Variants in RNF19B observed in about 807,000 individuals in gnomAD.
RNF19B encodes E3 ubiquitin-protein ligase RNF19B.
RNF19B carries 23 observed loss-of-function variants against 65.5 expected under a neutral mutation model. That is an observed-to-expected ratio of 0.35 (90% CI 0.25 to 0.50). The LOEUF is 0.50. Among genes scored for constraint, RNF19B ranks in the 20% least tolerant of loss-of-function variants. The pLI is 0.98. For missense variants in RNF19B, 794 were observed against 980.0 expected, an observed-to-expected ratio of 0.81 and a Z score of 2.53; for synonymous variants, 372 against 379.6, an observed-to-expected ratio of 0.98 and a Z score of 0.23.
At position 32,945,512 on chromosome 1, in the gene RNF19B, A is replaced by G; in HGVS notation, c.1261+2T>C. On this transcript the variant is annotated splice_donor_variant, in intron 5 of 8. Transcript: ENST00000235150. LOFTEE classifies it high-confidence loss of function. ...GAAGAGGTGTGGTCCTGACTAGCTT[A>G]CCAACACTAACTGCAGCAATAACTG... 2 of 1,590,948 alleles carry G rather than the reference A, an allele frequency of 1.3e-6. No homozygotes were observed. Among genetic ancestry groups the G allele is most frequent in the Non-Finnish European group, 1.7e-6 (2 of 1,158,822 alleles).
intron 7 of RNF19B, among the ~76,000 whole-genome samples, chr1:32,938,977 T>C (rs1642171584): frequency 6.6e-6 from 1 of 152,230 alleles, no homozygotes; most frequent in Admixed American, 6.5e-5. Flanking sequence ...TCCGAAATCA[T>C]AGTCACTCTG....
At chr1:32,952,840 G>A (rs905157921) in intron 1 of RNF19B, among the ~76,000 whole-genome samples, 1 of 151,280 alleles carries the variant, frequency 6.6e-6, no homozygotes, top group African/African-American at 2.4e-5. Context: ...TTGAGGCTGG[G>A]AGGTTGAGGC....
chr1:32,929,501 T>A, the RNF19B span, among the ~76,000 whole-genome samples: 2 of 152,202 alleles, frequency 1.3e-5, no homozygotes, highest in African/African-American at 4.8e-5. Flanking sequence ...GGTCTCAGCA[T>A]TTGTGCTGGC....
the RNF19B span, among the ~76,000 whole-genome samples, chr1:32,930,937 AAGT>A: frequency 1.3e-5 from 2 of 152,040 alleles, no homozygotes; most frequent in South Asian, 4.2e-4. Context: ...AAAATACAAA[AAGT>A]AGCCAGGTGT....
At chr1:32,961,466 T>C (rs951559274) in intron 1 of RNF19B, among the ~76,000 whole-genome samples, 4 of 152,234 alleles carry the variant, frequency 2.6e-5, no homozygotes, top group Admixed American at 6.5e-5. Context: ...GAACAAGTCA[T>C]TCAATTTCCT....
At chr1:32,934,556 C>T, downstream of RNF19B, among the ~76,000 whole-genome samples, 1 of 152,046 alleles carries the variant, frequency 6.6e-6, no homozygotes. Flanking sequence ...TGGCATGCAC[C>T]TGTAATCCCA....
chr1:32,952,883 AGCCTGGGT>A (rs1047583234), intron 1 of RNF19B, among the ~76,000 whole-genome samples: 2 of 151,814 alleles, frequency 1.3e-5, no homozygotes, highest in African/African-American at 2.4e-5. Context: ...ACTGCACTCC[AGCCTGGGT>A]GACAGAGTGA....
chr1:32,950,932 C>T (rs111781237), intron 1 of RNF19B, among the ~76,000 whole-genome samples: 23,469 of 151,532 alleles, frequency 0.15, 2,674 homozygotes, highest in African/African-American at 0.31. Context: ...CTCCGCCTCC[C>T]GGGTTCAAGC....
downstream of RNF19B, among the ~76,000 whole-genome samples, chr1:32,932,688 C>T (rs1169082281): frequency 6.6e-6 from 1 of 152,198 alleles, no homozygotes; most frequent in South Asian, 2.1e-4. Context: ...CTGCATCTGT[C>T]TGGCGCTGAA....
At chr1:32,946,656 G>C in intron 3 of RNF19B, 92 bp from the exon 4 acceptor site, 1 of 1,135,070 alleles carries the variant, frequency 8.8e-7, no homozygotes, top group Non-Finnish European at 1.2e-6. Flanking sequence ...CTTCTTTTCA[G>C]TAAGGATTAA....
intron 8 of RNF19B, 190 bp downstream of exon 8, chr1:32,938,207 A>G: frequency 2.1e-6 from 1 of 482,580 alleles, no homozygotes; most frequent in Non-Finnish European, 3.7e-6. Context: ...CTAAAAATCA[A>G]GCGCTAACAA....
chr1:32,958,223 A>G (rs891591872), intron 1 of RNF19B, among the ~76,000 whole-genome samples: 2 of 152,262 alleles, frequency 1.3e-5, no homozygotes, highest in Non-Finnish European at 2.9e-5. Flanking sequence ...TGGGGAAATT[A>G]CATTATATTG....
chr1:32,934,020 T>C (rs1162215914), downstream of RNF19B, among the ~76,000 whole-genome samples: 2 of 152,224 alleles, frequency 1.3e-5, no homozygotes, highest in Non-Finnish European at 2.9e-5. Flanking sequence ...TTTGAGTTGA[T>C]AATTTGCGTT....
chr1:32,963,689 G>A (rs902739950), intron 1 of RNF19B, among the ~76,000 whole-genome samples: 4 of 150,516 alleles, frequency 2.7e-5, no homozygotes, highest in African/African-American at 7.3e-5. Flanking sequence ...TTGCACTCCA[G>A]CCTGGGCGGC....
At chr1:32,949,541 G>A (rs1316463445) in intron 2 of RNF19B, 28 bp downstream of exon 2, 3 of 1,593,294 alleles carry the variant, frequency 1.9e-6, no homozygotes, top group East Asian at 4.5e-5. Flanking sequence ...ACCAAATAAA[G>A]AGACAATGAG....
At chr1:32,936,433 A>C (rs1642098383), downstream of RNF19B, 1 of 162,550 alleles carries the variant, frequency 6.2e-6, no homozygotes, top group Non-Finnish European at 1.3e-5. Flanking sequence ...ATCCAAGCCA[A>C]GGAAAATGAG....
Position 32,949,696 on chromosome 1 carries a change from G to A in RNF19B, c.714C>T (p.Cys238=), listed in dbSNP as rs749528775. ...GATGCCATATCTGCTTGCAGTGGTA[G>A]CAGAACTCAGTCTGGCAACCTTCCC... ...CEREGCQTEF[C]YHCKQIWHPN... The change falls in exon 2 of 9, where the codon TGC becomes TGT. Residue 238 remains cysteine, a synonymous_variant. Coordinates refer to ENST00000235150, the MANE Select transcript of RNF19B (RefSeq NM_001300826.2). 8.7e-6 allele frequency: 14 copies of A among 1,613,902 alleles called. No homozygotes were observed. The highest frequency in any genetic ancestry group is 1.6e-4 in the Middle Eastern group (1 of 6,062).
rs1391440394 is a variant in RNF19B at position 32,954,630 on chromosome 1, C to T, written c.636-4856G>A. On this transcript the variant is annotated intron_variant, in intron 1 of 8. Coordinates refer to ENST00000235150, the MANE Select transcript of RNF19B (RefSeq NM_001300826.2). Reference sequence around the variant, plus strand: ...GGCGCATGCCTGTAATCCAGCTACTCGGGAGGCTGAGGCAGGAGAATTGCT... The same window carrying T: ...GGCGCATGCCTGTAATCCAGCTACTTGGGAGGCTGAGGCAGGAGAATTGCT... Among the ~76,000 whole-genome samples the T allele has an allele frequency of 2.0e-5, 3 of 150,838 alleles. No individual in the cohort carries two copies. The East Asian group carries it at 5.9e-4, about 29-fold the overall frequency.
chr1:32,959,123 C>A (rs372664368), intron 1 of RNF19B, among the ~76,000 whole-genome samples: 2 of 152,260 alleles, frequency 1.3e-5, no homozygotes, highest in African/African-American at 4.8e-5. Context: ...ATGAAAAAAG[C>A]TTCCTGTTTA....
Sources: allele counts gnomAD v4.1 joint callset (sites outside exome capture counted in the v4.1 genomes callset), GRCh38; gene constraint gnomAD v4.1.1; transcripts MANE v1.5; gene names NCBI Gene and HGNC (gene_info 2026-07-23, HGNC 2026-07-21).